The following ADAM23 variants were observed in gnomAD, a reference collection of about 807,000 sequenced individuals.
The protein encoded by ADAM23 is ADAM metallopeptidase domain 23, also known as disintegrin and metalloproteinase domain-containing protein 23.
Under a neutral mutation model 120.1 loss-of-function variants are expected in ADAM23, and 33 were observed. That is an observed-to-expected ratio of 0.27 (90% CI 0.21 to 0.37). The LOEUF is 0.37. Ranked by LOEUF, ADAM23 falls within the 10% of genes least tolerant of loss-of-function variation. ADAM23 has a pLI of 1.00. For synonymous variants in ADAM23, 367 were observed against 375.2 expected, an observed-to-expected ratio of 0.98 and a Z score of 0.25; for missense variants, 862 against 1,058.2, an observed-to-expected ratio of 0.81 and a Z score of 2.57.
chr2:206,522,381 C>A lies in ADAM23; in HGVS notation c.510-8504C>A, dbSNP rs182629276. ...TTTTTCTGTTGGTTTCTTTTTTATT[C>A]TTTTGGCTATTTTATATATACCTAG... is the stretch of plus-strand genomic sequence containing the variant. On this transcript the variant is annotated intron_variant, in intron 3 of 25. Coordinates refer to ENST00000264377, the MANE Select transcript of ADAM23 (RefSeq NM_003812.4). Among the ~76,000 whole-genome samples the A allele has an allele frequency of 1.4e-4, 21 of 151,532 alleles. No homozygotes were observed. In the East Asian group the frequency reaches 2.9e-3, roughly 21 times the overall value.
chr2:206,467,832 C>A (rs1443213323), intron 2 of ADAM23, among the ~76,000 whole-genome samples: 1 of 152,188 alleles, frequency 6.6e-6, no homozygotes, highest in Non-Finnish European at 1.5e-5. Context: ...TCCATATATC[C>A]CCTTGAAGTC....
At chr2:206,450,874 C>T (rs1038247445) in intron 2 of ADAM23, among the ~76,000 whole-genome samples, 1 of 152,214 alleles carries the variant, frequency 6.6e-6, no homozygotes, top group Non-Finnish European at 1.5e-5. Context: ...GAATCAGGCG[C>T]TGTGCTAGAC....
At chr2:206,445,017 G>C (rs2105844518) in intron 1 of ADAM23, among the ~76,000 whole-genome samples, 2 of 147,000 alleles carry the variant, frequency 1.4e-5, no homozygotes, top group South Asian at 4.3e-4. Flanking sequence ...CCAACACTTA[G>C]AAGTATAGAT....
At chr2:206,511,636 C>T (rs1696625446) in intron 3 of ADAM23, among the ~76,000 whole-genome samples, 1 of 152,186 alleles carries the variant, frequency 6.6e-6, no homozygotes, top group Non-Finnish European at 1.5e-5. Flanking sequence ...GGCGTTTGAA[C>T]TTTCACATTT....
At chr2:206,476,177 A>G (rs1171174411) in intron 2 of ADAM23, among the ~76,000 whole-genome samples, 1 of 152,144 alleles carries the variant, frequency 6.6e-6, no homozygotes, top group African/African-American at 2.4e-5. Context: ...GGCCTGCTTG[A>G]TACCCTAAAG....
At position 206,561,123 on chromosome 2, in the gene ADAM23, T is replaced by C. The variant is rs1697755967; in HGVS notation, c.1170-5T>C. On this transcript the variant is annotated splice_region_variant and splice_polypyrimidine_tract_variant and intron_variant, in intron 11 of 25. Transcript: ENST00000264377. The stretch of plus-strand genomic sequence containing the variant: ...GGTTTTCTGATAGCACTGCTTTTTC[T>C]TAAGGCGGGTGACATTTCACTATAA... 3.7e-6 allele frequency: 6 copies of C among 1,613,988 alleles called. No homozygotes were observed. Among genetic ancestry groups the C allele is most frequent in the Non-Finnish European group, 5.1e-6 (6 of 1,179,880 alleles).
At chr2:206,516,243 AAAAAG>A (rs1454933375) in intron 3 of ADAM23, among the ~76,000 whole-genome samples, 17 of 151,870 alleles carry the variant, frequency 1.1e-4, no homozygotes, top group African/African-American at 3.9e-4. Context: ...TAAAAAAAAA[AAAAAG>A]AAAGAAAAAG....
intron 2 of ADAM23, among the ~76,000 whole-genome samples, chr2:206,449,510 G>A (rs1695148184): frequency 6.6e-6 from 1 of 152,206 alleles, no homozygotes; most frequent in Non-Finnish European, 1.5e-5. Flanking sequence ...GCTCATGCCT[G>A]TAATCCCAGC....
chr2:206,480,142 G>A (rs1695864915), intron 2 of ADAM23, among the ~76,000 whole-genome samples: 1 of 152,168 alleles, frequency 6.6e-6, no homozygotes, highest in Non-Finnish European at 1.5e-5. Flanking sequence ...TGCTTCCAAA[G>A]CCCTGAACGT....
rs1190756683 is a variant in ADAM23 at position 206,620,473 on chromosome 2, T to C, written c.*2846T>C. 1 of 152,232 alleles carries C rather than the reference T, an allele frequency of 6.6e-6. No homozygotes were observed. The highest frequency in any genetic ancestry group is 2.4e-5 in the African/African-American group (1 of 41,466). 9.4% of individuals were successfully genotyped at this position (152,232 alleles called of 1,614,324 possible). A position where few individuals can be genotyped will look rare whatever the true frequency, so the allele number is the denominator to read the frequency against. On this transcript the variant is annotated 3_prime_UTR_variant, in exon 26 of 26. Transcript: ENST00000264377. ...TATTAGGTTATGTAGTTTCAAACTC[T>C]TTGCTGTATTTTGTTTTGCACCTGC...
At chr2:206,451,238 C>CT (rs1695188004) in intron 2 of ADAM23, among the ~76,000 whole-genome samples, 1 of 152,140 alleles carries the variant, frequency 6.6e-6, no homozygotes, top group Non-Finnish European at 1.5e-5. Context: ...GAAGGGGAAA[C>CT]TCAAGTGTAG....
intron 7 of ADAM23, among the ~76,000 whole-genome samples, chr2:206,547,935 C>G (rs569080018): frequency 6.6e-6 from 1 of 152,252 alleles, no homozygotes; most frequent in East Asian, 1.9e-4. Context: ...TGCTAAAAGT[C>G]TTTAATAATT....
At chr2:206,599,145 C>T (rs1698587558) in intron 24 of ADAM23, among the ~76,000 whole-genome samples, 1 of 147,628 alleles carries the variant, frequency 6.8e-6, no homozygotes, top group South Asian at 2.1e-4. Context: ...GTGGAGGTTA[C>T]AGTGAGCCGA....
intron 2 of ADAM23, among the ~76,000 whole-genome samples, chr2:206,454,904 C>T (rs114307234): frequency 0.021 from 3,193 of 152,324 alleles, 118 homozygotes; most frequent in African/African-American, 0.072. Flanking sequence ...TCTGTGGCTG[C>T]TTTCATGGGC....
chr2:206,512,731 G>A (rs1323014218), intron 3 of ADAM23, among the ~76,000 whole-genome samples: 2 of 152,090 alleles, frequency 1.3e-5, no homozygotes, highest in East Asian at 1.9e-4. Context: ...CTAGTTTTAT[G>A]TTCTTCACTT....
intron 24 of ADAM23, among the ~76,000 whole-genome samples, chr2:206,597,824 A>G (rs879886191): frequency 1.3e-5 from 2 of 152,192 alleles, no homozygotes; most frequent in Admixed American, 6.5e-5. Flanking sequence ...ACTTCAGTAT[A>G]GTTTATATGG....
intron 22 of ADAM23, among the ~76,000 whole-genome samples, chr2:206,594,002 T>C (rs994662310): frequency 2.6e-5 from 4 of 151,456 alleles, no homozygotes; most frequent in African/African-American, 9.7e-5. Flanking sequence ...TACGTTTAGA[T>C]AGGCAAGTAC....
intron 1 of ADAM23, 141 bp from the exon 2 acceptor site, chr2:206,445,159 TCTACTTC>T (rs1193064513): frequency 3.1e-6 from 2 of 639,528 alleles, no homozygotes; most frequent in East Asian, 5.5e-5. Context: ...TTACTCTAGC[TCTACTTC>T]TTAACTGCTT....
intron 3 of ADAM23, among the ~76,000 whole-genome samples, chr2:206,514,306 T>C (rs1696686364): frequency 6.6e-6 from 1 of 152,048 alleles, no homozygotes; most frequent in African/African-American, 2.4e-5. Context: ...TGGAAGGAGG[T>C]GAAAATATAA....
Sources: gnomAD v4.1 joint callset for allele counts (sites outside exome capture counted in the v4.1 genomes callset) on GRCh38, gnomAD v4.1.1 for gene constraint, MANE v1.5 for transcripts, NCBI Gene and HGNC (gene_info 2026-07-23, HGNC 2026-07-21) for gene names.